KCNT2: variants seen among roughly 807,000 people sequenced by gnomAD.
KCNT2 encodes potassium sodium-activated channel subfamily T member 2.
KCNT2 carries 67 observed loss-of-function variants against 153.8 expected under a neutral mutation model. The ratio of observed to expected loss-of-function variants is 0.44; its 90% CI spans 0.36 to 0.53. The LOEUF (loss-of-function observed/expected upper bound fraction) is 0.53. Ranked by LOEUF, KCNT2 falls within the 20% of genes least tolerant of loss-of-function variation. The pLI, the probability that KCNT2 is intolerant of heterozygous loss-of-function variation, is 0.00. For missense variants in KCNT2, 975 were observed against 1,354.8 expected (o/e 0.72, Z 4.40); for synonymous variants, 500 against 458.8 (o/e 1.09, Z -1.15).
At chr1:196,303,716 A>C (rs1661388648) in intron 22 of KCNT2, among the ~76,000 whole-genome samples, 1 of 152,130 alleles carries the variant, frequency 6.6e-6, no homozygotes, top group Non-Finnish European at 1.5e-5. Context: ...TTTTCCACAT[A>C]AGAATCCCAA....
intron 3 of KCNT2, among the ~76,000 whole-genome samples, chr1:196,489,442 T>C (rs1419889796): frequency 6.6e-6 from 1 of 151,854 alleles, no homozygotes; most frequent in Admixed American, 6.6e-5. Flanking sequence ...AGAAGAAAAC[T>C]ATTAAGGGAG....
chr1:196,232,624 T>C (rs1439571680), intron 27 of KCNT2, among the ~76,000 whole-genome samples: 1 of 151,522 alleles, frequency 6.6e-6, no homozygotes, highest in Admixed American at 6.6e-5. Context: ...AAGTTGATGT[T>C]TTAGCTTAAA....
chr1:196,442,824 G>A (rs1027384811), intron 8 of KCNT2, among the ~76,000 whole-genome samples: 2 of 151,540 alleles, frequency 1.3e-5, no homozygotes, highest in Non-Finnish European at 3.0e-5. Context: ...TATACAACAA[G>A]ACACGTGGAA....
chr1:196,447,760 GA>G (rs1272299633), intron 8 of KCNT2, among the ~76,000 whole-genome samples: 3 of 150,862 alleles, frequency 2.0e-5, no homozygotes, highest in African/African-American at 7.3e-5. Flanking sequence ...GAAGATAGAC[GA>G]AAAAAGTTGT....
chr1:196,407,751 A>T (rs1671949186), intron 12 of KCNT2, among the ~76,000 whole-genome samples: 1 of 151,542 alleles, frequency 6.6e-6, no homozygotes, highest in Non-Finnish European at 1.5e-5. Context: ...TTCTTTTCTA[A>T]GATACCATAT....
chr1:196,416,741 C>T (rs557769110), intron 12 of KCNT2, among the ~76,000 whole-genome samples: 4 of 151,622 alleles, frequency 2.6e-5, no homozygotes, highest in African/African-American at 9.7e-5. Context: ...TATAAGTATC[C>T]ATCCCCTCAA....
At chr1:196,246,602 C>CA (rs1010956052) in intron 26 of KCNT2, among the ~76,000 whole-genome samples, 67 of 151,422 alleles carry the variant, frequency 4.4e-4, no homozygotes, top group Admixed American at 2.6e-3. Context: ...TAAATACAAA[C>CA]AAAAAAAAGT....
At chr1:196,271,710 G>T (rs570631636) in intron 25 of KCNT2, among the ~76,000 whole-genome samples, 1 of 151,892 alleles carries the variant, frequency 6.6e-6, no homozygotes, top group East Asian at 1.9e-4. Context: ...TTACAGATGA[G>T]CTCAGACTCA....
chr1:196,252,061 A>C (rs1656023947), intron 26 of KCNT2, among the ~76,000 whole-genome samples: 1 of 151,656 alleles, frequency 6.6e-6, no homozygotes, highest in Non-Finnish European at 1.5e-5. Context: ...ATAATTGTTA[A>C]TATATTAGGG....
rs567025612 is a variant in KCNT2, at chr1:196,485,992, A to G, written c.276-3613T>C. ...TTATTTCAGTATTATTTACAGCAGG[A>G]GAGTAACTGGAATCTACCTGAATAC... On this transcript the variant is annotated intron_variant, in intron 3 of 27. Transcript: ENST00000294725. Among the ~76,000 whole-genome samples the G allele has an allele frequency of 6.3e-4, 96 of 152,106 alleles. 1 individual carries two copies. The highest frequency in any genetic ancestry group is 2.0e-3 in the African/African-American group (83 of 41,544).
At chr1:196,458,919 T>A (rs1277948691) in intron 8 of KCNT2, among the ~76,000 whole-genome samples, 1 of 151,930 alleles carries the variant, frequency 6.6e-6, no homozygotes, top group Non-Finnish European at 1.5e-5. Context: ...AACACTTTCA[T>A]CCATTCCTGT....
intron 1 of KCNT2, among the ~76,000 whole-genome samples, chr1:196,576,013 C>A: frequency 6.8e-6 from 1 of 147,838 alleles, no homozygotes. Flanking sequence ...GAGATCATAA[C>A]TAACATCTAA....
chr1:196,495,876 TAATA>T (rs1042041945), intron 1 of KCNT2, among the ~76,000 whole-genome samples: 36 of 152,246 alleles, frequency 2.4e-4, no homozygotes, highest in African/African-American at 8.0e-4. Context: ...TCTTGCTATT[TAATA>T]GTTATTTTTA....
Position 196,257,207 on chromosome 1 carries a change from G to A in KCNT2, c.3211+987C>T, listed in dbSNP as rs951214917. 7.1e-6 allele frequency: 7 copies of A among 980,592 alleles called. No homozygotes were observed. In the Admixed American group the frequency reaches 4.3e-4, roughly 60 times the overall value. The allele number at this position is 980,592 out of a possible 1,614,324, so 60.7% of individuals were successfully genotyped here. On this transcript the variant is annotated intron_variant, in intron 26 of 27. Transcript: ENST00000294725. ...ATATACACATAAAGCACCTAGCATA[G>A]TTCCTGGAGTAGCACACATAGCATG...
At chr1:196,278,343 T>C (rs1172360115) in intron 25 of KCNT2, among the ~76,000 whole-genome samples, 1 of 152,204 alleles carries the variant, frequency 6.6e-6, no homozygotes, top group Non-Finnish European at 1.5e-5. Flanking sequence ...CAATTCTTTC[T>C]ACAATAGGCA....
intron 26 of KCNT2, among the ~76,000 whole-genome samples, chr1:196,240,370 T>C (rs1168708815): frequency 1.3e-5 from 2 of 151,998 alleles, no homozygotes; most frequent in African/African-American, 4.8e-5. Context: ...TAACATTTAT[T>C]CTATTTATTC....
intron 8 of KCNT2, among the ~76,000 whole-genome samples, chr1:196,462,752 T>G (rs1470403600): frequency 6.6e-6 from 1 of 151,854 alleles, no homozygotes; most frequent in Non-Finnish European, 1.5e-5. Context: ...TCAAGGGCTC[T>G]AAACTAGGAT....
Position 196,565,416 on chromosome 1 carries a change from G to A in KCNT2, c.95+42799C>T, listed in dbSNP as rs115534134. Among the ~76,000 whole-genome samples the A allele has an allele frequency of 8.6e-3, 1,302 of 151,562 alleles. 12 individuals are homozygous for A. The highest frequency in any genetic ancestry group is 0.029 in the African/African-American group (1,218 of 41,482). Reference sequence around the variant, plus strand: ...AAAAAAATAAAAAAATAGAACTGCCGTGTCATCCCATTGCTGGGTATACAT... The same window carrying A: ...AAAAAAATAAAAAAATAGAACTGCCATGTCATCCCATTGCTGGGTATACAT... On this transcript the variant is annotated intron_variant, in intron 1 of 27. Coordinates refer to ENST00000294725, the MANE Select transcript of KCNT2 (RefSeq NM_198503.5).
intron 14 of KCNT2, among the ~76,000 whole-genome samples, chr1:196,359,301 G>A (rs1047987397): frequency 6.6e-6 from 1 of 151,780 alleles, no homozygotes; most frequent in African/African-American, 2.4e-5. Flanking sequence ...AGAAAATATT[G>A]CTTTGTTTAC....
Sources: gnomAD v4.1 joint callset for allele counts (sites outside exome capture counted in the v4.1 genomes callset) on GRCh38, gnomAD v4.1.1 for gene constraint, MANE v1.5 for transcripts, NCBI Gene and HGNC (gene_info 2026-07-23, HGNC 2026-07-21) for gene names.